Variants in WWOX observed in about 807,000 individuals in gnomAD.
WWOX encodes the protein WW domain containing oxidoreductase, also known as WW domain-containing oxidoreductase.
In WWOX, 69 loss-of-function variants were observed where a neutral mutation model predicts 46.2. That is an observed-to-expected ratio of 1.49 (90% CI 1.23 to 1.82). WWOX has a LOEUF of 1.82. WWOX is among the 40% of genes most tolerant of loss of function. The pLI, the probability that WWOX is intolerant of heterozygous loss-of-function variation, is 0.00. For synonymous variants in WWOX, 359 were observed against 202.6 expected (o/e 1.77, Z -6.56); for missense variants, 919 against 542.6 (o/e 1.69, Z -6.89).
At chr16:78,914,167 C>T (rs562788737) in intron 8 of WWOX, among the ~76,000 whole-genome samples, 2 of 152,060 alleles carry the variant, frequency 1.3e-5, no homozygotes, top group African/African-American at 2.4e-5. Flanking sequence ...ATTTCTCTAT[C>T]CCATAACTCT....
At chr16:78,789,878 G>C (rs2050550330) in intron 8 of WWOX, among the ~76,000 whole-genome samples, 1 of 152,044 alleles carries the variant, frequency 6.6e-6, no homozygotes, top group Non-Finnish European at 1.5e-5. Flanking sequence ...TTAGGATCTT[G>C]GGCTTCCAAA....
At chr16:78,523,868 A>G (rs2043401294) in intron 8 of WWOX, among the ~76,000 whole-genome samples, 1 of 152,218 alleles carries the variant, frequency 6.6e-6, no homozygotes. Context: ...TAGGAGCTAG[A>G]GTTTTAGGAT....
intron 8 of WWOX, among the ~76,000 whole-genome samples, chr16:78,501,181 C>CTTTT (rs67706943): frequency 9.1e-6 from 1 of 109,372 alleles, no homozygotes; most frequent in South Asian, 3.4e-4. Context: ...TTCTTTCTCT[C>CTTTT]TCTTTCTTTC....
Position 79,045,780 on chromosome 16 carries a change from CTTTTTTTTTTTTTTTTTTTT to C in WWOX, c.1057-165808_1057-165789del, listed in dbSNP as rs770463813. On this transcript the variant is annotated intron_variant, in intron 8 of 8. Coordinates refer to ENST00000566780, the MANE Select transcript of WWOX (RefSeq NM_016373.4). ...AGCTCGTCTTTCCTTTTTTCTTTTC[CTTTTTTTTTTTTTTTTTTTT>C]TTTTTTTTTTTTTTTTTTTGAGATG... Among the ~76,000 whole-genome samples, 254 of 54,228 alleles carry C rather than the reference CTTTTTTTTTTTTTTTTTTTT, an allele frequency of 4.7e-3. 11 individuals are homozygous for C. Among genetic ancestry groups the C allele is most frequent in the African/African-American group, 0.012 (227 of 18,360 alleles). 35.6% of individuals were successfully genotyped at this position (54,228 alleles called of 152,430 possible).
chr16:78,572,287 T>A (rs1468316665), intron 8 of WWOX, among the ~76,000 whole-genome samples: 3 of 152,094 alleles, frequency 2.0e-5, no homozygotes, highest in Non-Finnish European at 4.4e-5. Flanking sequence ...CTCAGCAACA[T>A]AATTCAGGAT....
intron 8 of WWOX, among the ~76,000 whole-genome samples, chr16:78,706,457 A>G (rs1475358548): frequency 2.0e-5 from 3 of 152,126 alleles, no homozygotes; most frequent in Non-Finnish European, 4.4e-5. Context: ...CAAGAGCTCC[A>G]TCTCTGTTGC....
chr16:79,133,557 C>A (rs543228465), intron 8 of WWOX, among the ~76,000 whole-genome samples: 3 of 152,016 alleles, frequency 2.0e-5, no homozygotes, highest in Non-Finnish European at 4.4e-5. Context: ...TTCCTTCATT[C>A]TGTTTCTTTA....
At chr16:79,011,475 ATTT>A (rs1167359551) in intron 8 of WWOX, among the ~76,000 whole-genome samples, 2 of 144,622 alleles carry the variant, frequency 1.4e-5, no homozygotes, top group Non-Finnish European at 3.0e-5. Flanking sequence ...TTATTTATTT[ATTT>A]ATTTATTTAT....
At chr16:78,354,378 C>T (rs1033457854) in intron 5 of WWOX, among the ~76,000 whole-genome samples, 1 of 133,658 alleles carries the variant, frequency 7.5e-6, no homozygotes, top group East Asian at 2.1e-4. Context: ...CACATATTGT[C>T]AAATGACTTT....
chr16:78,934,058 G>A (rs564887186), intron 8 of WWOX, among the ~76,000 whole-genome samples: 9 of 152,038 alleles, frequency 5.9e-5, no homozygotes, highest in East Asian at 5.8e-4. Flanking sequence ...AGCCGGGGCC[G>A]GGCACGGTGG....
intron 8 of WWOX, among the ~76,000 whole-genome samples, chr16:78,447,767 C>T (rs1235531860): frequency 6.6e-6 from 1 of 152,156 alleles, no homozygotes; most frequent in African/African-American, 2.4e-5. Flanking sequence ...TTCTAAGCTA[C>T]TTAGCAGCCA....
At chr16:78,224,111 T>C (rs9927189) in intron 5 of WWOX, among the ~76,000 whole-genome samples, 118,509 of 151,982 alleles carry the variant, frequency 0.78, 46,355 homozygotes, top group East Asian at 0.88. Context: ...TCACACCATT[T>C]TCCTGCCTCA....
chr16:78,967,019 A>G (rs188494138), intron 8 of WWOX, among the ~76,000 whole-genome samples: 136 of 152,286 alleles, frequency 8.9e-4, no homozygotes, highest in African/African-American at 2.9e-3. Context: ...AGCCTGTAGA[A>G]TATGCAGACT....
intron 5 of WWOX, among the ~76,000 whole-genome samples, chr16:78,204,077 G>A (rs1223967611): frequency 6.6e-6 from 1 of 152,198 alleles, no homozygotes. Context: ...AAGGTGGTGA[G>A]GGCACAGTCT....
intron 8 of WWOX, among the ~76,000 whole-genome samples, chr16:78,603,424 G>T (rs947026913): frequency 6.6e-6 from 1 of 152,232 alleles, no homozygotes; most frequent in Non-Finnish European, 1.5e-5. Context: ...GCTGGGTGCA[G>T]TGCCTCATGC....
At chr16:78,713,238 C>A (rs182510507) in intron 8 of WWOX, among the ~76,000 whole-genome samples, 1 of 126,806 alleles carries the variant, frequency 7.9e-6, no homozygotes, top group East Asian at 2.4e-4. Flanking sequence ...TGTGCCACTG[C>A]ACTTTAGCCT....
At chr16:78,150,812 C>G (rs924858274) in intron 4 of WWOX, among the ~76,000 whole-genome samples, 1 of 152,190 alleles carries the variant, frequency 6.6e-6, no homozygotes. Context: ...ATCAATTATT[C>G]ACAACTCTCT....
intron 5 of WWOX, among the ~76,000 whole-genome samples, chr16:78,279,617 G>A (rs2079640735): frequency 6.6e-6 from 1 of 152,174 alleles, no homozygotes; most frequent in Non-Finnish European, 1.5e-5. Context: ...GCTGCTGGCA[G>A]TGATTTATCC....
At chr16:79,134,681 A>T (rs561855718) in intron 8 of WWOX, among the ~76,000 whole-genome samples, 3 of 152,302 alleles carry the variant, frequency 2.0e-5, no homozygotes, top group African/African-American at 7.2e-5. Flanking sequence ...CTTCACAAGG[A>T]CATTCTTATA....
Sources: gnomAD v4.1 joint callset for allele counts (sites outside exome capture counted in the v4.1 genomes callset) on GRCh38, gnomAD v4.1.1 for gene constraint, MANE v1.5 for transcripts, NCBI Gene and HGNC (gene_info 2026-07-23, HGNC 2026-07-21) for gene names.